Variants in PSEN1 observed in about 807,000 individuals in gnomAD.
PSEN1 encodes the protein presenilin 1.
Under a neutral mutation model 53.5 loss-of-function variants are expected in PSEN1, and 15 were observed. That is an observed-to-expected ratio of 0.28 (90% CI 0.19 to 0.43). The LOEUF is 0.43. Among genes scored for constraint, PSEN1 ranks in the 20% least tolerant of loss-of-function variants. The pLI is 1.00. For missense variants in PSEN1, 387 were observed against 571.2 expected, an observed-to-expected ratio of 0.68 and a Z score of 3.29; for synonymous variants, 208 against 209.8, an observed-to-expected ratio of 0.99 and a Z score of 0.08.
At chr14:73,208,531 G>T (rs888949372) in intron 9 of PSEN1, among the ~76,000 whole-genome samples, 11 of 152,074 alleles carry the variant, frequency 7.2e-5, no homozygotes, top group Non-Finnish European at 1.6e-4. Context: ...CCACAAGCAG[G>T]TCATCCCATC....
intron 1 of PSEN1, among the ~76,000 whole-genome samples, chr14:73,143,649 C>A (rs1158493888): frequency 6.6e-6 from 1 of 152,034 alleles, no homozygotes; most frequent in Admixed American, 6.6e-5. Flanking sequence ...CCAGTTTGTA[C>A]CAGCTTGTAT....
chr14:73,212,088 C>CTTGTTTT (rs1899715702), intron 10 of PSEN1, 146 bp downstream of exon 10: 1 of 66,914 alleles, frequency 1.5e-5, no homozygotes, highest in Non-Finnish European at 2.8e-5. Flanking sequence ...AGTAATAGTG[C>CTTGTTTT]TTTTTTTTTT....
intron 8 of PSEN1, among the ~76,000 whole-genome samples, chr14:73,200,113 G>C (rs537001338): frequency 1.3e-5 from 2 of 152,216 alleles, no homozygotes; most frequent in South Asian, 4.1e-4. Context: ...GAGAGAAAGA[G>C]ATCTAATAGG....
chr14:73,215,048 C>T (rs1340062990), intron 10 of PSEN1, among the ~76,000 whole-genome samples: 3 of 151,982 alleles, frequency 2.0e-5, no homozygotes, highest in Non-Finnish European at 4.4e-5. Flanking sequence ...TGCAACTCTG[C>T]CTCCCAGGTT....
At chr14:73,203,683 G>C (rs971794763) in intron 8 of PSEN1, among the ~76,000 whole-genome samples, 1 of 152,100 alleles carries the variant, frequency 6.6e-6, no homozygotes, top group African/African-American at 2.4e-5. Context: ...TCTGTCGTTT[G>C]ACAGAAAAAA....
chr14:73,204,321 C>T (rs13379148), intron 8 of PSEN1, among the ~76,000 whole-genome samples: 11,693 of 146,622 alleles, frequency 0.08, 1,133 homozygotes, highest in African/African-American at 0.24. Flanking sequence ...TTAATTTAAA[C>T]GAAATCTGCT....
At chr14:73,167,777 A>AT (rs1897760812) in intron 3 of PSEN1, 1 of 147,442 alleles carries the variant, frequency 6.8e-6, no homozygotes, top group African/African-American at 2.5e-5. Flanking sequence ...GTGGGGTTGG[A>AT]TAAGAAAAGT....
At chr14:73,206,071 C>G (rs1053809390) in intron 8 of PSEN1, 7 of 346,284 alleles carry the variant, frequency 2.0e-5, no homozygotes, top group African/African-American at 1.5e-4. Context: ...TCAACTAGTC[C>G]AGCTATTGTT....
At chr14:73,184,648 AC>A (rs1308541021) in intron 5 of PSEN1, among the ~76,000 whole-genome samples, 2 of 68,354 alleles carry the variant, frequency 2.9e-5, no homozygotes, top group African/African-American at 5.6e-5. Context: ...CGGGGGGCTG[AC>A]CCCCCCACCT....
At position 73,186,840 on chromosome 14, in the gene PSEN1, C is replaced by T. The variant is rs199742610; in HGVS notation, c.481-13C>T. 2.6e-5 allele frequency: 41 copies of T among 1,601,030 alleles called. No individual in the cohort carries two copies. Among genetic ancestry groups the T allele is most frequent in the Non-Finnish European group, 3.2e-5 (37 of 1,168,310 alleles). ...GGGACCTGTTAATTATATTGAAATGCTTTCTTTTCTAGGTCATCCATGCCT... is the reference window on the plus strand; with the variant it reads ...GGGACCTGTTAATTATATTGAAATGTTTTCTTTTCTAGGTCATCCATGCCT... On this transcript the variant is annotated splice_polypyrimidine_tract_variant and intron_variant, in intron 5 of 11. Transcript: ENST00000324501.
rs1897878585 is a variant in PSEN1, at chr14:73,171,067, T to C, written c.338+20T>C. The C allele has an allele frequency of 6.2e-7, 1 of 1,613,818 alleles. No homozygotes were observed. The highest frequency in any genetic ancestry group is 8.5e-7 in the Non-Finnish European group (1 of 1,180,012). On this transcript the variant is annotated intron_variant, in intron 4 of 11. Transcript: ENST00000324501. ...GCAGCTGTACGTATGAGTTTTGTTT[T>C]ATTATTCTCAAAGCCAGTGTGGCTT...
intron 10 of PSEN1, 146 bp downstream of exon 10, chr14:73,212,088 CTTTTTTTTTTTTTTTTTTTTTT>C (rs398043836): frequency 3.6e-3 from 253 of 70,528 alleles, no homozygotes; most frequent in East Asian, 0.011. Flanking sequence ...AGTAATAGTG[CTTTTTTTTTTTTTTTTTTTTTT>C]TTTTTTTTTT....
At chr14:73,212,816 T>C (rs892631864) in intron 10 of PSEN1, among the ~76,000 whole-genome samples, 1 of 152,242 alleles carries the variant, frequency 6.6e-6, no homozygotes, top group Non-Finnish European at 1.5e-5. Context: ...CTTAGAGATG[T>C]GGTTCATTGA....
At chr14:73,165,270 T>A (rs143606369) in intron 3 of PSEN1, among the ~76,000 whole-genome samples, 218 of 152,270 alleles carry the variant, frequency 1.4e-3, no homozygotes, top group African/African-American at 5.0e-3. Flanking sequence ...CTGTGCTTTT[T>A]TTAAATAAAG....
intron 10 of PSEN1, among the ~76,000 whole-genome samples, chr14:73,216,300 G>A (rs1594757794): frequency 6.6e-6 from 1 of 152,142 alleles, no homozygotes. Context: ...AACTGTAAAC[G>A]GGTACAAGGT....
chr14:73,212,198 C>T (rs1314667431), intron 10 of PSEN1, among the ~76,000 whole-genome samples: 3 of 140,130 alleles, frequency 2.1e-5, no homozygotes, highest in Non-Finnish European at 4.5e-5. Context: ...GCAAGCTCCA[C>T]CTCCCGGGTT....
Position 73,211,910 on chromosome 14 carries a change from G to A in PSEN1, c.1097G>A (p.Ser366Asn). 3.7e-6 allele frequency: 6 copies of A among 1,613,930 alleles called. No individual in the cohort carries two copies. Among genetic ancestry groups the A allele is most frequent in the African/African-American group, 1.3e-5 (1 of 74,966 alleles). ...ESRAAVQELS[S>N]SILAGEDPEE... ...CGAGCTGCTGTCCAGGAACTTTCCA[G>A]CAGTATCCTCGCTGGTGAAGACCCA... The change falls in exon 10 of 12, where the codon AGC becomes AAC. Residue 366 changes from serine to asparagine, a missense_variant. This residue lies in a region of PSEN1 where 75 missense variants were observed against 63.7 expected (regional missense o/e 1.18). Transcript: ENST00000324501.
intron 11 of PSEN1, among the ~76,000 whole-genome samples, chr14:73,218,784 T>C (rs757594313): frequency 1.3e-4 from 19 of 151,834 alleles, no homozygotes; most frequent in Non-Finnish European, 2.2e-4. Flanking sequence ...ACCTCTGGGT[T>C]TTTAACCAGC....
intron 5 of PSEN1, among the ~76,000 whole-genome samples, chr14:73,183,983 A>C (rs1313711741): frequency 8.3e-6 from 1 of 119,814 alleles, no homozygotes; most frequent in Non-Finnish European, 1.7e-5. Flanking sequence ...GGGGCTCCTC[A>C]CTTCCCAGTA....
Sources: gnomAD v4.1 joint callset for allele counts (sites outside exome capture counted in the v4.1 genomes callset) on GRCh38, gnomAD v4.1.1 for gene constraint, gnomAD v4.1.1 regional missense constraint, MANE v1.5 for transcripts, NCBI Gene and HGNC (gene_info 2026-07-23, HGNC 2026-07-21) for gene names.